Variants in SEC16B observed in about 807,000 individuals in gnomAD.
SEC16B encodes SEC16 homolog B, endoplasmic reticulum export factor, also known as protein transport protein Sec16B.
SEC16B carries 115 observed loss-of-function variants against 141.8 expected under a neutral mutation model. The observed-to-expected ratio is 0.81, with a 90% CI of 0.70 to 0.95. The LOEUF is 0.95. SEC16B is among the 40% of genes least tolerant of loss of function. The probability of loss-of-function intolerance (pLI) is 0.00; values close to 1 mark genes in which losing one functional copy is unlikely to be tolerated. For synonymous variants in SEC16B, 493 were observed against 492.5 expected, an observed-to-expected ratio of 1.00 and a Z score of -0.01; for missense variants, 1,291 against 1,312.3, an observed-to-expected ratio of 0.98 and a Z score of 0.25.
At chr1:177,941,159 T>C (rs1651242552) in intron 16 of SEC16B, among the ~76,000 whole-genome samples, 1 of 152,252 alleles carries the variant, frequency 6.6e-6, no homozygotes, top group Non-Finnish European at 1.5e-5. Flanking sequence ...TGTTACTTTG[T>C]ATTTCAAGGA....
intron 14 of SEC16B, among the ~76,000 whole-genome samples, 163 bp from the exon 15 acceptor site, chr1:177,944,829 A>G (rs1557973735): frequency 1.3e-5 from 2 of 152,150 alleles, no homozygotes; most frequent in Non-Finnish European, 2.9e-5. Context: ...CTGGGCTCCC[A>G]GAGTGAGTGT....
chr1:177,941,996 G>A lies in SEC16B; in HGVS notation c.1926C>T (p.Leu642=), dbSNP rs532573534. Reference sequence around the variant, plus strand: ...CGCAGTAATGCAAAGCCTGGGACACGAGGCCATAATCTGCCAGACGGGAAG... The same window carrying A: ...CGCAGTAATGCAAAGCCTGGGACACAAGGCCATAATCTGCCAGACGGGAAG... ...LYASRLADYG[L]VSQALHYCEA... is the part of the protein sequence containing the mutation. The change falls in exon 16 of 26, where the codon CTC becomes CTT. Residue 642 remains leucine (L), a synonymous_variant. Transcript: ENST00000308284. 8.3e-5 allele frequency: 134 copies of A among 1,613,998 alleles called. 1 individual carries two copies. The highest frequency in any genetic ancestry group is 6.8e-4 in the South Asian group (62 of 91,068).
In SEC16B at chr1:177,942,111, A is replaced by G. The variant is rs1651321926; in HGVS notation, c.1882-71T>C. ...AGAAGGAGAAAGAAACATAGATAAGACTTCTTGGAAGTCAGCTGTCAGTTT... is the reference window on the plus strand; with the variant it reads ...AGAAGGAGAAAGAAACATAGATAAGGCTTCTTGGAAGTCAGCTGTCAGTTT... On this transcript the variant is annotated intron_variant, in intron 15 of 25. Coordinates refer to ENST00000308284, the MANE Select transcript of SEC16B (RefSeq NM_033127.4). The G allele has an allele frequency of 3.4e-6, 5 of 1,471,258 alleles. No homozygotes were observed. The Admixed American group carries it at 1.2e-4, about 35-fold the overall frequency. The allele number at this position is 1,471,258 out of a possible 1,614,324, so 91.1% of individuals were successfully genotyped here. A position where few individuals can be genotyped will look rare whatever the true frequency, so the allele number is the denominator to read the frequency against.
At chr1:177,931,489 C>T (rs1650411477) in intron 24 of SEC16B, among the ~76,000 whole-genome samples, 1 of 152,278 alleles carries the variant, frequency 6.6e-6, no homozygotes, top group East Asian at 1.9e-4. Context: ...CACGCCAACA[C>T]TACTTGGCTG....
Position 177,933,209 on chromosome 1 carries a change from C to A in SEC16B, c.2823+5G>T, listed in dbSNP as rs1259076509. 1.3e-6 allele frequency: 2 copies of A among 1,569,908 alleles called. No homozygotes were observed. Among genetic ancestry groups the A allele is most frequent in the Admixed American group, 1.9e-5 (1 of 53,650 alleles). On this transcript the variant is annotated splice_donor_5th_base_variant and intron_variant, in intron 22 of 25. Coordinates refer to ENST00000308284, the MANE Select transcript of SEC16B (RefSeq NM_033127.4). ...GGGGCATCCTCCCCCTCCCACAGAG[C>A]CTACCTCAGAGTCAGGGCTGTCTGA...
chr1:177,938,504 C>A (rs1459605919), intron 18 of SEC16B, among the ~76,000 whole-genome samples: 1 of 152,200 alleles, frequency 6.6e-6, no homozygotes, highest in African/African-American at 2.4e-5. Flanking sequence ...CTTGTCTTAC[C>A]TCTCCTTCCC....
At chr1:177,937,078 G>A (rs750381121) in intron 19 of SEC16B, 136 bp downstream of exon 19, 46 of 932,580 alleles carry the variant, frequency 4.9e-5, no homozygotes, top group African/African-American at 3.3e-5. Context: ...CCTCCGTAAC[G>A]GGCACACATC....
chr1:177,953,003 ATTTT>A (rs59988344), intron 11 of SEC16B, among the ~76,000 whole-genome samples: 3 of 127,972 alleles, frequency 2.3e-5, no homozygotes, highest in African/African-American at 2.9e-5. Flanking sequence ...TGGAAGTGTC[ATTTT>A]TTTTTTTTTT....
chr1:177,970,508 C>T (rs1055491511), upstream of SEC16B, among the ~76,000 whole-genome samples: 5 of 152,112 alleles, frequency 3.3e-5, no homozygotes, highest in Non-Finnish European at 7.4e-5. Context: ...AAGTTAATTC[C>T]ACTGGTTGAG....
intron 15 of SEC16B, among the ~76,000 whole-genome samples, chr1:177,944,180 T>C (rs1651493443): frequency 6.6e-6 from 1 of 152,094 alleles, no homozygotes; most frequent in Non-Finnish European, 1.5e-5. Context: ...GACACTGGGC[T>C]GGGCCTGCGC....
rs532573534 is a variant in SEC16B at position 177,941,996 on chromosome 1, G to C, written c.1926C>G (p.Leu642=). ...LYASRLADYG[L]VSQALHYCEA... ...CGCAGTAATGCAAAGCCTGGGACAC[G>C]AGGCCATAATCTGCCAGACGGGAAG... The change falls in exon 16 of 26, where the codon CTC becomes CTG. Residue 642 remains leucine (L), a synonymous_variant. Transcript: ENST00000308284. 2 of 1,614,000 alleles carry C rather than the reference G, an allele frequency of 1.2e-6. No individual in the cohort carries two copies.
intron 13 of SEC16B, among the ~76,000 whole-genome samples, chr1:177,946,880 T>C (rs189551191): frequency 6.6e-6 from 1 of 152,346 alleles, no homozygotes; most frequent in African/African-American, 2.4e-5. Context: ...AGAAGGAGAC[T>C]ACTGAGAGTG....
At chr1:177,969,690 T>C (rs555995688) in intron 1 of SEC16B, among the ~76,000 whole-genome samples, 194 bp downstream of exon 1, 24 of 152,162 alleles carry the variant, frequency 1.6e-4, no homozygotes, top group South Asian at 4.1e-4. Context: ...AGTCCTCAGA[T>C]TAAGGACACC....
At chr1:177,974,925 G>A (rs891997965), upstream of SEC16B, among the ~76,000 whole-genome samples, 1 of 152,160 alleles carries the variant, frequency 6.6e-6, no homozygotes, top group Non-Finnish European at 1.5e-5. Context: ...AAACCTAGCC[G>A]AGGAAGGGCA....
chr1:177,948,423 A>G (rs758191731), intron 12 of SEC16B: 14 of 1,304,282 alleles, frequency 1.1e-5, no homozygotes, highest in Non-Finnish European at 1.4e-5. Flanking sequence ...TACAAAGCCC[A>G]TTCACACACA....
chr1:177,933,278 G>C lies in SEC16B; in HGVS notation c.2759C>G (p.Ser920Trp), dbSNP rs77169763. 2 of 1,601,004 alleles carry C rather than the reference G, an allele frequency of 1.2e-6. No individual in the cohort carries two copies. The highest frequency in any genetic ancestry group is 1.1e-5 in the South Asian group (1 of 88,464). Residue 920 changes from serine (S) to tryptophan (W), a missense_variant, in exon 22 of 26, where the codon TCG (serine) becomes TGG (tryptophan). By Grantham distance (177) the Ser-to-Trp change is radical (BLOSUM62 -3). Around this residue, in one of 3 missense-constraint regions of SEC16B, gnomAD observed 605 missense variants for 614.1 expected, o/e 0.99. Coordinates refer to ENST00000308284, the MANE Select transcript of SEC16B (RefSeq NM_033127.4). ...SGFGWFSWFR[S>W]KPTKNASPAG... ...GGGGGATGCGTTCTTGGTGGGCTTC[G>C]ATCGAAACCAGCTGAACCAGCCAAA...
chr1:177,947,413 C>T (rs1003264614), intron 13 of SEC16B, among the ~76,000 whole-genome samples: 1 of 152,040 alleles, frequency 6.6e-6, no homozygotes, highest in Admixed American at 6.5e-5. Context: ...GTGTCCTATG[C>T]GTTAACTCCA....
At position 177,967,756 on chromosome 1, in the gene SEC16B, G is replaced by A; in HGVS notation, c.226C>T (p.Pro76Ser). 6.2e-7 allele frequency: 1 copy of A among 1,613,948 alleles called. No individual in the cohort carries two copies. The highest frequency in any genetic ancestry group is 1.1e-5 in the South Asian group (1 of 91,072). The part of the protein sequence containing the change: ...HQQQPHYASR[P>S]GDWHQPVSGV... ...GACACAGGCTGATGCCAGTCCCCTG[G>A]CCTGGATGCATAATGGGGCTGCTGC... The change falls in exon 2 of 26, where the codon CCA (proline) becomes TCA (serine). Residue 76 changes from proline (P) to serine (S), a missense_variant. Coordinates refer to ENST00000308284, the MANE Select transcript of SEC16B (RefSeq NM_033127.4).
chr1:177,953,163 A>G (rs10798584), intron 11 of SEC16B, among the ~76,000 whole-genome samples: 107,310 of 151,808 alleles, frequency 0.71, 38,573 homozygotes, highest in East Asian at 0.8. Context: ...CAGCCACCAC[A>G]CCTGGCTAAT....
Sources: gnomAD v4.1 joint callset for allele counts (sites outside exome capture counted in the v4.1 genomes callset) on GRCh38, gnomAD v4.1.1 for gene constraint, gnomAD v4.1.1 regional missense constraint, MANE v1.5 for transcripts, NCBI Gene and HGNC (gene_info 2026-07-23, HGNC 2026-07-21) for gene names.